The following TEC variants were observed in gnomAD, a reference collection of about 807,000 sequenced individuals.
The protein encoded by TEC is tyrosine-protein kinase Tec.
In TEC, 72 loss-of-function variants were observed where a neutral mutation model predicts 93.0. The observed-to-expected ratio is 0.77, with a 90% CI of 0.64 to 0.94. The LOEUF (loss-of-function observed/expected upper bound fraction) is 0.94, where lower values mean the gene tolerates loss of function less well. TEC is among the 40% of genes least tolerant of loss of function. The pLI is 0.00. For synonymous variants in TEC, 249 were observed against 247.7 expected (o/e 1.01, Z -0.05); for missense variants, 630 against 757.9 (o/e 0.83, Z 1.98).
intron 7 of TEC, among the ~76,000 whole-genome samples, chr4:48,165,010 C>CA (rs955410438): frequency 1.3e-4 from 20 of 149,906 alleles, no homozygotes; most frequent in Middle Eastern, 3.5e-3. Flanking sequence ...GACTCCATCT[C>CA]AAAAAAAAGA....
At chr4:48,233,653 C>T (rs1723704288) in intron 1 of TEC, among the ~76,000 whole-genome samples, 1 of 150,504 alleles carries the variant, frequency 6.6e-6, no homozygotes, top group East Asian at 2.0e-4. Flanking sequence ...AAAAACTCAA[C>T]AAAATCAAAG....
chr4:48,171,807 C>T (rs1667213165), intron 3 of TEC, among the ~76,000 whole-genome samples: 1 of 152,238 alleles, frequency 6.6e-6, no homozygotes, highest in African/African-American at 2.4e-5. Context: ...CAGCATCACT[C>T]TTATAGTTTC....
chr4:48,258,370 CA>C (rs1724400988), intron 1 of TEC, among the ~76,000 whole-genome samples: 1 of 152,022 alleles, frequency 6.6e-6, no homozygotes, highest in African/African-American at 2.4e-5. Flanking sequence ...TCAAACTCCT[CA>C]ACCTCAAGTG....
chr4:48,189,588 C>T (rs991976065), intron 2 of TEC, among the ~76,000 whole-genome samples: 19 of 152,120 alleles, frequency 1.2e-4, no homozygotes, highest in Non-Finnish European at 5.9e-5. Context: ...ACATTTTCAG[C>T]CTAGAATGGT....
At chr4:48,162,640 C>T (rs1344338136) in intron 8 of TEC, among the ~76,000 whole-genome samples, 1 of 152,196 alleles carries the variant, frequency 6.6e-6, no homozygotes, top group Non-Finnish European at 1.5e-5. Flanking sequence ...TCTTCTACTT[C>T]TAAAATTACT....
intron 2 of TEC, among the ~76,000 whole-genome samples, chr4:48,190,012 A>G (rs1169012562): frequency 6.6e-6 from 1 of 152,154 alleles, no homozygotes; most frequent in East Asian, 1.9e-4. Flanking sequence ...TCTGTTTAGC[A>G]CTCGGAGCTA....
chr4:48,233,782 G>T (rs1723706698), intron 1 of TEC, among the ~76,000 whole-genome samples: 1 of 149,116 alleles, frequency 6.7e-6, no homozygotes, highest in Non-Finnish European at 1.5e-5. Context: ...AAAACTCAAT[G>T]GAAAAGTTAG....
chr4:48,247,315 T>C (rs955623383), intron 1 of TEC, among the ~76,000 whole-genome samples: 3 of 152,226 alleles, frequency 2.0e-5, no homozygotes, highest in Non-Finnish European at 4.4e-5. Flanking sequence ...ACAGGCACTG[T>C]GAAAAATAGT....
At chr4:48,141,783 A>G (rs1364638762) in intron 14 of TEC, 5 of 196,308 alleles carry the variant, frequency 2.5e-5, no homozygotes, top group African/African-American at 2.4e-5. Context: ...TCCAGTTTCA[A>G]GTGATTCTTC....
At chr4:48,193,062 G>T (rs1722146821) in intron 2 of TEC, among the ~76,000 whole-genome samples, 1 of 152,066 alleles carries the variant, frequency 6.6e-6, no homozygotes, top group Non-Finnish European at 1.5e-5. Flanking sequence ...AAATAGGAGA[G>T]GACTCAACTA....
At chr4:48,209,354 T>G (rs531816903) in intron 2 of TEC, among the ~76,000 whole-genome samples, 28 of 152,088 alleles carry the variant, frequency 1.8e-4, no homozygotes, top group Non-Finnish European at 3.8e-4. Context: ...GCACAGTACC[T>G]CACTTTGGGA....
intron 1 of TEC, among the ~76,000 whole-genome samples, chr4:48,266,208 C>A (rs1373654460): frequency 1.3e-5 from 2 of 152,184 alleles, no homozygotes; most frequent in Non-Finnish European, 1.5e-5. Flanking sequence ...CCAGGAAGCT[C>A]CTTTAGGATG....
intron 8 of TEC, 105 bp downstream of exon 8, chr4:48,163,597 T>G: frequency 1.4e-6 from 1 of 734,778 alleles, no homozygotes; most frequent in East Asian, 2.9e-5. Context: ...AGCACCCCCT[T>G]CAAAGAATCA....
intron 15 of TEC, 42 bp from the exon 16 acceptor site, chr4:48,139,064 A>C (rs1560369786): frequency 6.6e-7 from 1 of 1,509,398 alleles, no homozygotes; most frequent in Non-Finnish European, 9.2e-7. Context: ...CTGAAGAACA[A>C]TCTGTTTTTT....
intron 2 of TEC, among the ~76,000 whole-genome samples, chr4:48,190,010 G>C (rs1464421731): frequency 6.6e-6 from 1 of 152,116 alleles, no homozygotes; most frequent in Non-Finnish European, 1.5e-5. Flanking sequence ...CATCTGTTTA[G>C]CACTCGGAGC....
chr4:48,178,641 T>C (rs77978596), intron 2 of TEC, among the ~76,000 whole-genome samples: 2,026 of 152,230 alleles, frequency 0.013, 47 homozygotes, highest in African/African-American at 0.043. Flanking sequence ...AGAGGACTCA[T>C]GGAGCCAAGT....
intron 9 of TEC, among the ~76,000 whole-genome samples, chr4:48,152,787 T>G (rs567390949): frequency 1.3e-5 from 2 of 152,254 alleles, no homozygotes; most frequent in Admixed American, 1.3e-4. Context: ...TGGTTATGTG[T>G]AGTTGTCAAG....
chr4:48,229,124 T>A (rs1188429648), intron 1 of TEC, among the ~76,000 whole-genome samples: 1 of 152,178 alleles, frequency 6.6e-6, no homozygotes, highest in African/African-American at 2.4e-5. Context: ...GTGGTGGATA[T>A]GATTCATACT....
intron 14 of TEC, among the ~76,000 whole-genome samples, chr4:48,144,528 G>T (rs967036700): frequency 6.6e-6 from 1 of 152,172 alleles, no homozygotes; most frequent in Admixed American, 6.5e-5. Context: ...GGGAAAAATT[G>T]TCTCCATCAT....
Sources: allele counts gnomAD v4.1 joint callset (sites outside exome capture counted in the v4.1 genomes callset), GRCh38; gene constraint gnomAD v4.1.1; transcripts MANE v1.5; gene names NCBI Gene and HGNC (gene_info 2026-07-23, HGNC 2026-07-21).